The following LRRC4C variants were observed in gnomAD, a reference collection of about 807,000 sequenced individuals.
LRRC4C encodes the protein leucine-rich repeat-containing protein 4C.
Under a neutral mutation model 33.6 loss-of-function variants are expected in LRRC4C, and 5 were observed. The observed-to-expected ratio is 0.15, with a 90% CI of 0.08 to 0.31. The LOEUF is 0.31. LRRC4C is among the 10% of genes least tolerant of loss of function. LRRC4C has a pLI of 1.00. For synonymous variants in LRRC4C, 329 were observed against 302.0 expected (o/e 1.09, Z -0.93); for missense variants, 560 against 796.7 (o/e 0.70, Z 3.58).
intron 1 of LRRC4C, among the ~76,000 whole-genome samples, chr11:40,960,564 A>G (rs762424919): frequency 7.9e-5 from 12 of 151,710 alleles, no homozygotes; most frequent in Non-Finnish European, 1.0e-4. Context: ...GATTGACTGT[A>G]TCTCAGTTCT....
intron 1 of LRRC4C, among the ~76,000 whole-genome samples, chr11:41,227,487 C>T (rs112424586): frequency 0.028 from 4,289 of 151,980 alleles, 202 homozygotes; most frequent in African/African-American, 0.097. Flanking sequence ...AAAGATTTAA[C>T]AAATATTTAC....
chr11:40,433,485 T>C (rs1047923671), intron 3 of LRRC4C, among the ~76,000 whole-genome samples: 3 of 152,120 alleles, frequency 2.0e-5, no homozygotes, highest in African/African-American at 7.2e-5. Flanking sequence ...TTCATAAATC[T>C]TAACTTTTTG....
chr11:40,308,317 T>G (rs568726000), intron 4 of LRRC4C, among the ~76,000 whole-genome samples: 54 of 152,230 alleles, frequency 3.5e-4, no homozygotes, highest in Non-Finnish European at 5.6e-4. Flanking sequence ...GAAGAGAAAC[T>G]GATCTTCAAT....
chr11:41,258,099 G>A (rs1948861167), intron 1 of LRRC4C, among the ~76,000 whole-genome samples: 1 of 151,914 alleles, frequency 6.6e-6, no homozygotes. Flanking sequence ...AAAAGAATAA[G>A]AGGAACCCGA....
chr11:41,016,480 A>G (rs777948906), intron 1 of LRRC4C, among the ~76,000 whole-genome samples: 4 of 152,214 alleles, frequency 2.6e-5, no homozygotes, highest in African/African-American at 9.7e-5. Context: ...TTTCCCAACC[A>G]CAAATAAACA....
At chr11:40,804,705 T>TACTTC (rs1951174242) in intron 2 of LRRC4C, among the ~76,000 whole-genome samples, 1 of 152,228 alleles carries the variant, frequency 6.6e-6, no homozygotes, top group Non-Finnish European at 1.5e-5. Context: ...GTTATTACTT[T>TACTTC]ACTTCATCCA....
chr11:40,282,903 T>A (rs964293842), intron 4 of LRRC4C, among the ~76,000 whole-genome samples: 5 of 152,250 alleles, frequency 3.3e-5, no homozygotes, highest in Non-Finnish European at 5.9e-5. Flanking sequence ...GCTCATGATT[T>A]TCTATATTTA....
At chr11:40,524,468 A>C (rs138088529) in intron 3 of LRRC4C, among the ~76,000 whole-genome samples, 248 of 152,322 alleles carry the variant, frequency 1.6e-3, no homozygotes, top group African/African-American at 5.6e-3. Flanking sequence ...ATTAAAATAA[A>C]CTTTAGTATA....
intron 3 of LRRC4C, among the ~76,000 whole-genome samples, chr11:40,476,895 G>A (rs1449157671): frequency 6.6e-6 from 1 of 152,076 alleles, no homozygotes; most frequent in Non-Finnish European, 1.5e-5. Context: ...CCAACAAAAT[G>A]TTTTCTAATT....
intron 1 of LRRC4C, among the ~76,000 whole-genome samples, chr11:40,974,702 G>C (rs1368311670): frequency 3.3e-5 from 5 of 152,204 alleles, no homozygotes; most frequent in African/African-American, 1.2e-4. Context: ...ACATTGCAAA[G>C]ATTGCAGTGT....
rs1158836969 is a variant in LRRC4C at position 40,114,794 on chromosome 11, G to A, written c.1499C>T (p.Ser500Leu). ...TGGGATGGTGAAGGTTTTCTCTGTC[G>A]ACCTTGTGCTCTGTGGTGTGAGAGA... ...TTSLTPQSTR[S>L]TEKTFTIPVT... Residue 500 changes from serine to leucine, a missense_variant, in exon 7 of 7, where the codon TCG (serine) becomes TTG (leucine). Physicochemically the swap from Ser to Leu is moderately radical, Grantham distance 145. Transcript: ENST00000528697. 6.8e-6 allele frequency: 11 copies of A among 1,614,098 alleles called. No individual in the cohort carries two copies. Among genetic ancestry groups the A allele is most frequent in the South Asian group, 1.1e-5 (1 of 91,082 alleles).
Position 41,376,626 on chromosome 11 carries a change from G to A in LRRC4C, c.-496+82805C>T, listed in dbSNP as rs1245164716. ...AGATATTACTCATAGTTTATTGCAT[G>A]TTTGGGAAGTATTGTTAGCGATGTA... is the stretch of plus-strand genomic sequence containing the variant. On this transcript the variant is annotated intron_variant, in intron 1 of 6. Coordinates refer to ENST00000528697, the MANE Select transcript of LRRC4C (RefSeq NM_001258419.2). 2.0e-5 allele frequency among the ~76,000 whole-genome samples: 3 copies of A among 152,108 alleles called. No homozygotes were observed. The East Asian group carries it at 5.8e-4, about 29-fold the overall frequency.
chr11:40,153,532 AC>A (rs1407698736), intron 5 of LRRC4C, among the ~76,000 whole-genome samples: 4 of 152,140 alleles, frequency 2.6e-5, no homozygotes, highest in Non-Finnish European at 5.9e-5. Context: ...GCAAGGAAAT[AC>A]AAAAAATGAT....
chr11:40,117,594 C>T (rs1855524826), intron 6 of LRRC4C, among the ~76,000 whole-genome samples: 1 of 151,866 alleles, frequency 6.6e-6, no homozygotes, highest in Non-Finnish European at 1.5e-5. Flanking sequence ...TCCAAGTATA[C>T]ACCACACTCA....
At chr11:40,354,267 A>G (rs920678698) in intron 3 of LRRC4C, among the ~76,000 whole-genome samples, 6 of 152,104 alleles carry the variant, frequency 3.9e-5, no homozygotes, top group Admixed American at 6.6e-5. Context: ...GGCTGACACA[A>G]ACACCCCTGT....
At chr11:40,428,413 GA>G (rs1247252385) in intron 3 of LRRC4C, among the ~76,000 whole-genome samples, 12 of 152,080 alleles carry the variant, frequency 7.9e-5, no homozygotes, top group Admixed American at 2.0e-4. Context: ...AGTTCATTTG[GA>G]AAAGCTGATC....
At chr11:40,192,762 T>TG (rs1260326407) in intron 5 of LRRC4C, among the ~76,000 whole-genome samples, 1 of 151,956 alleles carries the variant, frequency 6.6e-6, no homozygotes, top group Non-Finnish European at 1.5e-5. Context: ...TTGAGCTTGG[T>TG]GGGGGGAGGG....
intron 3 of LRRC4C, among the ~76,000 whole-genome samples, chr11:40,519,726 T>C (rs1323706346): frequency 6.6e-6 from 1 of 152,162 alleles, no homozygotes; most frequent in Non-Finnish European, 1.5e-5. Flanking sequence ...ATTAAGAACA[T>C]TCGTGATTCA....
chr11:40,930,759 A>G (rs1957584191), intron 2 of LRRC4C, among the ~76,000 whole-genome samples: 1 of 152,204 alleles, frequency 6.6e-6, no homozygotes, highest in African/African-American at 2.4e-5. Flanking sequence ...AATATCATAT[A>G]AGCAATAGCA....
Sources: gnomAD v4.1 joint callset for allele counts (sites outside exome capture counted in the v4.1 genomes callset) on GRCh38, gnomAD v4.1.1 for gene constraint, MANE v1.5 for transcripts, NCBI Gene and HGNC (gene_info 2026-07-23, HGNC 2026-07-21) for gene names.